Variants in MBOAT2 observed in about 807,000 individuals in gnomAD.
MBOAT2 encodes membrane-bound glycerophospholipid O-acyltransferase 2.
Under a neutral mutation model 63.4 loss-of-function variants are expected in MBOAT2, and 28 were observed. That is an observed-to-expected ratio of 0.44 (90% CI 0.33 to 0.61). The LOEUF is 0.61. Among genes scored for constraint, MBOAT2 ranks in the 20% least tolerant of loss-of-function variants. The probability of loss-of-function intolerance (pLI) is 0.03; values close to 1 mark genes in which losing one functional copy is unlikely to be tolerated. For synonymous variants in MBOAT2, 211 were observed against 215.6 expected, an observed-to-expected ratio of 0.98 and a Z score of 0.19; for missense variants, 470 against 605.8, an observed-to-expected ratio of 0.78 and a Z score of 2.35.
At chr2:8,999,598 A>G (rs1672545578) in intron 1 of MBOAT2, among the ~76,000 whole-genome samples, 1 of 152,226 alleles carries the variant, frequency 6.6e-6, no homozygotes, top group Admixed American at 6.5e-5. Context: ...TAAAGAACAC[A>G]GATACCTTCA....
At chr2:8,989,259 C>T (rs957139192) in intron 1 of MBOAT2, among the ~76,000 whole-genome samples, 2 of 152,176 alleles carry the variant, frequency 1.3e-5, no homozygotes, top group African/African-American at 4.8e-5. Flanking sequence ...CTTTGTCACA[C>T]CTGACACCCA....
intron 1 of MBOAT2, among the ~76,000 whole-genome samples, chr2:8,986,267 G>A (rs886501615): frequency 2.0e-5 from 3 of 150,396 alleles, no homozygotes; most frequent in Non-Finnish European, 4.4e-5. Flanking sequence ...AGGAAGCTAA[G>A]GAGACACAAT....
intron 4 of MBOAT2, among the ~76,000 whole-genome samples, chr2:8,892,014 T>A (rs1024868413): frequency 2.0e-5 from 3 of 152,170 alleles, no homozygotes; most frequent in Admixed American, 2.0e-4. Flanking sequence ...AAACAAAGGA[T>A]GAAAAAGTTA....
At chr2:8,898,514 C>T (rs1466794306) in intron 4 of MBOAT2, among the ~76,000 whole-genome samples, 1 of 152,214 alleles carries the variant, frequency 6.6e-6, no homozygotes, top group African/African-American at 2.4e-5. Context: ...GACCTAGACA[C>T]CTAGTACCCT....
chr2:8,993,715 C>T (rs773146322), intron 1 of MBOAT2, among the ~76,000 whole-genome samples: 13 of 152,154 alleles, frequency 8.5e-5, no homozygotes, highest in African/African-American at 1.9e-4. Flanking sequence ...CAAGGAGCTG[C>T]GGTGTTTTAT....
chr2:8,992,118 T>C (rs532768894), intron 1 of MBOAT2, among the ~76,000 whole-genome samples: 1 of 152,254 alleles, frequency 6.6e-6, no homozygotes, highest in Non-Finnish European at 1.5e-5. Flanking sequence ...ACTTCCGGTC[T>C]CAAGTCATTT....
rs771802445 is a variant in MBOAT2 at position 8,864,237 on chromosome 2, GA to G, written c.988-4del. The G allele has an allele frequency of 3.3e-5, 50 of 1,532,834 alleles. No individual in the cohort carries two copies. Among genetic ancestry groups the G allele is most frequent in the Admixed American group, 1.1e-4 (5 of 46,054 alleles). The allele number at this position is 1,532,834 out of a possible 1,614,324, so 95.0% of individuals were successfully genotyped here. ...AACATCTTGAAACTTGTTGACATCT[GA>G]AAAAAAAGGAAACTTTTTTCTTTGT... is the stretch of plus-strand genomic sequence containing the variant. On this transcript the variant is annotated splice_region_variant and splice_polypyrimidine_tract_variant and intron_variant, in intron 9 of 12. Coordinates refer to ENST00000305997, the MANE Select transcript of MBOAT2 (RefSeq NM_138799.4).
chr2:8,876,399 C>T (rs1662703376), intron 7 of MBOAT2, among the ~76,000 whole-genome samples: 2 of 152,180 alleles, frequency 1.3e-5, no homozygotes, highest in African/African-American at 2.4e-5. Flanking sequence ...GCTGTGAAGG[C>T]TGAAAGAGTA....
At chr2:8,926,229 A>G (rs191106790) in intron 3 of MBOAT2, among the ~76,000 whole-genome samples, 168 of 152,308 alleles carry the variant, frequency 1.1e-3, no homozygotes, top group Middle Eastern at 3.4e-3. Context: ...CCTGGGCTCA[A>G]GCGATTCCCC....
chr2:8,947,795 A>G (rs896740845), intron 2 of MBOAT2, among the ~76,000 whole-genome samples: 1 of 152,198 alleles, frequency 6.6e-6, no homozygotes, highest in Non-Finnish European at 1.5e-5. Context: ...ATTATCCAAG[A>G]GCTCTGACAG....
At chr2:8,870,571 G>A (rs1662236917) in intron 8 of MBOAT2, among the ~76,000 whole-genome samples, 1 of 152,122 alleles carries the variant, frequency 6.6e-6, no homozygotes, top group East Asian at 1.9e-4. Flanking sequence ...TTACAAAAAG[G>A]TGACAGGGGT....
At chr2:8,913,081 G>A (rs957730383) in intron 3 of MBOAT2, among the ~76,000 whole-genome samples, 6 of 151,992 alleles carry the variant, frequency 3.9e-5, no homozygotes, top group Non-Finnish European at 5.9e-5. Flanking sequence ...AAACAAAAAC[G>A]TAAAATGAGG....
chr2:8,943,404 A>G (rs544846908), intron 2 of MBOAT2, 140 bp from the exon 3 acceptor site: 10 of 490,112 alleles, frequency 2.0e-5, no homozygotes, highest in Admixed American at 1.9e-4. Flanking sequence ...AGGAGCTTAA[A>G]ATCCTGTGGA....
intron 1 of MBOAT2, among the ~76,000 whole-genome samples, chr2:8,975,102 A>G (rs959611692): frequency 8.5e-5 from 13 of 152,148 alleles, no homozygotes; most frequent in African/African-American, 3.1e-4. Context: ...CAGATTACCT[A>G]GAAAGAATAA....
At chr2:8,901,541 C>T (rs538526734) in intron 4 of MBOAT2, among the ~76,000 whole-genome samples, 2 of 152,184 alleles carry the variant, frequency 1.3e-5, no homozygotes, top group Admixed American at 1.3e-4. Context: ...AAGTGGAGGG[C>T]CATACCCTGA....
At chr2:8,984,526 T>C (rs1573246306) in intron 1 of MBOAT2, among the ~76,000 whole-genome samples, 1 of 152,226 alleles carries the variant, frequency 6.6e-6, no homozygotes, top group South Asian at 2.1e-4. Context: ...AAAAGGGTGT[T>C]CCTTAAGTGG....
intron 1 of MBOAT2, among the ~76,000 whole-genome samples, chr2:9,000,749 T>G (rs925485148): frequency 2.0e-5 from 3 of 152,358 alleles, no homozygotes; most frequent in East Asian, 3.9e-4. Flanking sequence ...GACTTTACCG[T>G]ACACCACTGT....
intron 3 of MBOAT2, among the ~76,000 whole-genome samples, chr2:8,940,623 C>G (rs1159764501): frequency 6.6e-6 from 1 of 151,920 alleles, no homozygotes; most frequent in Non-Finnish European, 1.5e-5. Flanking sequence ...AGATATGAAT[C>G]AGAATAATAA....
rs551008851 is a variant in MBOAT2, at chr2:8,904,375, G to A, written c.395+4246C>T. Among the ~76,000 whole-genome samples, 7 of 151,118 alleles carry A rather than the reference G, an allele frequency of 4.6e-5. No homozygotes were observed. In the East Asian group the frequency reaches 9.7e-4, roughly 21 times the overall value. On this transcript the variant is annotated intron_variant, in intron 4 of 12. Transcript: ENST00000305997. ...TACCCAGGCTGGAGTACAGTTGTGC[G>A]AACATGGCTCACTGCAGCCTCAACC... is the stretch of plus-strand genomic sequence containing the variant.
Sources: allele counts gnomAD v4.1 joint callset (sites outside exome capture counted in the v4.1 genomes callset), GRCh38; gene constraint gnomAD v4.1.1; transcripts MANE v1.5; gene names NCBI Gene and HGNC (gene_info 2026-07-23, HGNC 2026-07-21).